The following DOCK1 variants were observed in gnomAD, a reference collection of about 807,000 sequenced individuals.
DOCK1 encodes the protein dedicator of cytokinesis protein 1.
Under a neutral mutation model 262.7 loss-of-function variants are expected in DOCK1, and 138 were observed. That is an observed-to-expected ratio of 0.53 (90% CI 0.46 to 0.61). The LOEUF (loss-of-function observed/expected upper bound fraction) is 0.61, where lower values mean the gene tolerates loss of function less well. Among genes scored for constraint, DOCK1 ranks in the 20% least tolerant of loss-of-function variants. The pLI is 0.00. For synonymous variants in DOCK1, 866 were observed against 867.4 expected (o/e 1.00, Z 0.03); for missense variants, 1,908 against 2,370.7 (o/e 0.80, Z 4.05).
intron 29 of DOCK1, among the ~76,000 whole-genome samples, chr10:127,324,313 T>A (rs2062665240): frequency 6.6e-6 from 1 of 152,346 alleles, no homozygotes; most frequent in African/African-American, 2.4e-5. Flanking sequence ...GCCTGTCATC[T>A]CAGGCTTGCC....
Position 126,995,157 on chromosome 10 carries a change from G to A in DOCK1, c.474-1591G>A, listed in dbSNP as rs1463231238. Among the ~76,000 whole-genome samples, 2 of 151,796 alleles carry A rather than the reference G, an allele frequency of 1.3e-5. No individual in the cohort carries two copies. The highest frequency in any genetic ancestry group is 2.4e-5 in the African/African-American group (1 of 41,314). On this transcript the variant is annotated intron_variant, in intron 6 of 51. Transcript: ENST00000623213. This position sits in a 1 kb window ranked among gnomAD's most constrained non-coding sequence, Gnocchi z 5.8. ...GCAGAGACGCTCCTCACTTCTAGAC[G>A]GGATGACGGCCGGGAAGAGGCGCTC...
intron 27 of DOCK1, among the ~76,000 whole-genome samples, chr10:127,170,003 T>G (rs140101465): frequency 1.8e-3 from 278 of 151,944 alleles, no homozygotes; most frequent in Non-Finnish European, 3.0e-3. Context: ...TCCTTTAGCT[T>G]CTTTTTTTAC....
intron 51 of DOCK1, 68 bp downstream of exon 51, chr10:127,447,613 T>A: frequency 6.4e-7 from 1 of 1,572,202 alleles, no homozygotes; most frequent in Non-Finnish European, 8.7e-7. Flanking sequence ...AGTCCCTCAT[T>A]CCAGATACTA....
chr10:126,930,460 C>T (rs886847440), intron 1 of DOCK1, among the ~76,000 whole-genome samples: 8 of 152,368 alleles, frequency 5.3e-5, no homozygotes, highest in African/African-American at 1.2e-4. Context: ...GAGCCTTCCC[C>T]GTGACCATCG....
chr10:127,053,190 A>C (rs910332578), intron 22 of DOCK1, among the ~76,000 whole-genome samples: 1 of 152,052 alleles, frequency 6.6e-6, no homozygotes, highest in African/African-American at 2.4e-5. Flanking sequence ...ACAACAACAA[A>C]AATAGGCCGG....
intron 40 of DOCK1, 68 bp from the exon 41 acceptor site, chr10:127,408,969 C>A: frequency 6.7e-7 from 1 of 1,496,300 alleles, no homozygotes; most frequent in Non-Finnish European, 8.9e-7. Context: ...TTAAGGCCAG[C>A]ATATTGCATG....
At chr10:127,444,322 G>A (rs373904481) in intron 50 of DOCK1, 43 bp downstream of exon 50, 25 of 1,540,632 alleles carry the variant, frequency 1.6e-5, no homozygotes, top group African/African-American at 9.7e-5. Context: ...CTATAGCTCC[G>A]TGACTTCCCC....
intron 27 of DOCK1, among the ~76,000 whole-genome samples, chr10:127,185,358 T>C (rs1038335822): frequency 1.3e-5 from 2 of 152,126 alleles, no homozygotes; most frequent in Non-Finnish European, 2.9e-5. Flanking sequence ...GAATCCCGTC[T>C]CTACTAAAAA....
Position 127,437,698 on chromosome 10 carries a change from C to T in DOCK1, c.5061-1329C>T, listed in dbSNP as rs1465363267. ...CTTGCCATGTTGGCCAGGCTGGTCT[C>T]GAACTCCTGAGCTCAAATGATCCAC... On this transcript the variant is annotated intron_variant, in intron 48 of 51. Coordinates refer to ENST00000623213, the MANE Select transcript of DOCK1 (RefSeq NM_001290223.2). The surrounding 1 kb of genome is among the most constrained non-coding windows in gnomAD (Gnocchi z 4.4). Among the ~76,000 whole-genome samples, 2 of 152,066 alleles carry T rather than the reference C, an allele frequency of 1.3e-5. No individual in the cohort carries two copies. The highest frequency in any genetic ancestry group is 6.5e-5 in the Admixed American group (1 of 15,268).
intron 21 of DOCK1, among the ~76,000 whole-genome samples, chr10:127,051,645 C>T (rs987564693): frequency 1.3e-5 from 2 of 152,116 alleles, no homozygotes; most frequent in Admixed American, 1.3e-4. Flanking sequence ...TGCAGTAGCG[C>T]GATCTTGGCT....
chr10:127,414,667 A>C (rs572411077), intron 43 of DOCK1, among the ~76,000 whole-genome samples: 1 of 152,326 alleles, frequency 6.6e-6, no homozygotes, highest in African/African-American at 2.4e-5. Context: ...GTTACGTCAA[A>C]ACATTTTAAA....
chr10:127,214,345 T>G (rs965321296), intron 27 of DOCK1, among the ~76,000 whole-genome samples: 3 of 152,222 alleles, frequency 2.0e-5, no homozygotes, highest in African/African-American at 7.2e-5. Flanking sequence ...CCCTCGCTTC[T>G]CTTTTTAGTT....
At chr10:127,393,529 G>T (rs1205713834) in intron 38 of DOCK1, among the ~76,000 whole-genome samples, 1 of 152,110 alleles carries the variant, frequency 6.6e-6, no homozygotes, top group Admixed American at 6.5e-5. Context: ...GGGAGCAGGG[G>T]TCCCCATCCC....
chr10:127,257,209 C>T, intron 28 of DOCK1, 126 bp from the exon 29 acceptor site: 1 of 750,194 alleles, frequency 1.3e-6, no homozygotes, highest in Non-Finnish European at 2.1e-6. Context: ...AATATATCTT[C>T]ATTACTTTTC....
intron 10 of DOCK1, among the ~76,000 whole-genome samples, chr10:127,004,638 A>G (rs2040854445): frequency 6.6e-6 from 1 of 151,816 alleles, no homozygotes; most frequent in Non-Finnish European, 1.5e-5. Context: ...GGTCCCAGCT[A>G]CTCAAGAGGC....
At chr10:127,143,827 G>T (rs750585252) in intron 27 of DOCK1, among the ~76,000 whole-genome samples, 10 of 152,108 alleles carry the variant, frequency 6.6e-5, no homozygotes, top group African/African-American at 1.4e-4. Context: ...GAAGAACCAG[G>T]ACCCCAAATA....
intron 29 of DOCK1, among the ~76,000 whole-genome samples, chr10:127,264,681 G>T (rs1416267078): frequency 6.6e-6 from 1 of 151,526 alleles, no homozygotes; most frequent in Admixed American, 6.6e-5. Context: ...TTTTTTCCAA[G>T]ACAGGGTCTC....
chr10:126,999,502 G>T, intron 9 of DOCK1, 67 bp downstream of exon 9: 1 of 1,383,604 alleles, frequency 7.2e-7, no homozygotes, highest in Non-Finnish European at 1.0e-6. Flanking sequence ...AGCCATTTCT[G>T]TCTGCCTTCC....
intron 21 of DOCK1, among the ~76,000 whole-genome samples, chr10:127,049,968 CTT>C (rs71941085): frequency 2.2e-4 from 22 of 100,076 alleles, no homozygotes; most frequent in South Asian, 8.2e-4. Flanking sequence ...AAACTGGCCT[CTT>C]TTTTTTTTTT....
Sources: allele counts gnomAD v4.1 joint callset (sites outside exome capture counted in the v4.1 genomes callset), GRCh38; gene constraint gnomAD v4.1.1; non-coding constraint Gnocchi (gnomAD v3.1); transcripts MANE v1.5; gene names NCBI Gene and HGNC (gene_info 2026-07-23, HGNC 2026-07-21).